The following ROS1 variants were observed in gnomAD, a reference collection of about 807,000 sequenced individuals.
The protein encoded by ROS1 is proto-oncogene tyrosine-protein kinase ROS.
A neutral mutation model predicts 273.5 loss-of-function variants in ROS1; 263 were observed. The ratio of observed to expected loss-of-function variants is 0.96; its 90% confidence interval spans 0.87 to 1.06. ROS1 has a LOEUF of 1.06. ROS1 is among the 50% of genes least tolerant of loss of function. ROS1 has a pLI of 0.00. For synonymous variants in ROS1, 1,008 were observed against 954.1 expected (o/e 1.06, Z -1.04); for missense variants, 2,833 against 2,751.1 (o/e 1.03, Z -0.67).
chr6:117,414,989 G>T (rs1454125032), intron 3 of ROS1, among the ~76,000 whole-genome samples: 1 of 152,226 alleles, frequency 6.6e-6, no homozygotes, highest in Non-Finnish European at 1.5e-5. Flanking sequence ...AACAAATGGT[G>T]CTTCCCATTC....
chr6:117,337,172 CT>C lies in ROS1; in HGVS notation c.5229del (p.Ala1744LeufsTer13). ...GAGTATTGAGTATGTTAGTACTCACCTTTTGTCTTAAAGCTTTCTGGAAGTG... is the reference window on the plus strand; with the variant it reads ...GAGTATTGAGTATGTTAGTACTCACCTTTGTCTTAAAGCTTTCTGGAAGTG... ...STSLPESFKT[K>X]AGVPNKPGIP... On this transcript the variant is annotated frameshift_variant and splice_region_variant, in exon 32 of 44. Transcript: ENST00000368507. LOFTEE classifies it high-confidence loss of function. 1 of 1,610,716 alleles carries C rather than the reference CT, an allele frequency of 6.2e-7. No homozygotes were observed.
At chr6:117,388,138 A>T in intron 13 of ROS1, 146 bp from the exon 14 acceptor site, 2 of 1,274,940 alleles carry the variant, frequency 1.6e-6, no homozygotes, top group Non-Finnish European at 2.2e-6. Flanking sequence ...ATCACCAGGG[A>T]TCATTTGTTG....
rs1261108140 is a variant in ROS1, at chr6:117,389,374, G to A, written c.1762C>T (p.Pro588Ser). Residue 588 changes from proline (P) to serine (S), a missense_variant, in exon 13 of 44, where the codon CCT becomes TCT. Physicochemically the swap from Pro to Ser is moderately conservative, Grantham distance 74. Transcript: ENST00000368507. Reference protein sequence around the residue: ...GSHQALVQWKPPALAIGASPS... With the variant: ...GSHQALVQWKSPALAIGASPS... ...CTGGCTCCTATGGCAAGGGCAGGAG[G>A]CTTCCATTGAACAAGAGCCTGGTGA... 3.7e-6 allele frequency: 6 copies of A among 1,613,978 alleles called. 1 individual carries two copies. In the South Asian group the frequency reaches 5.5e-5, roughly 15 times the overall value.
At chr6:117,298,650 A>G (rs1237693777) in intron 43 of ROS1, among the ~76,000 whole-genome samples, 1 of 152,220 alleles carries the variant, frequency 6.6e-6, no homozygotes, top group Non-Finnish European at 1.5e-5. Flanking sequence ...ATGGATATAG[A>G]TGTAGTCTTA....
rs556427413 is a variant in ROS1, at chr6:117,301,100, C to T, written c.6589G>A (p.Asp2197Asn). 45 of 1,600,068 alleles carry T rather than the reference C, an allele frequency of 2.8e-5. No individual in the cohort carries two copies. The highest frequency in any genetic ancestry group is 1.7e-4 in the Middle Eastern group (1 of 6,040). Residue 2197 changes from aspartate to asparagine, a missense_variant, in exon 43 of 44, where the codon GAC becomes AAC. Transcript: ENST00000368507. Reference protein sequence around the residue: ...LMTQCWAQEPDQRPTFHRIQD... With the variant: ...LMTQCWAQEPNQRPTFHRIQD... ...ATTCTATGAAAAGTAGGTCTTTGGT[C>T]GGGTTCTTGAGCCCAGCACTGGGTC...
chr6:117,289,786 A>G (rs1773699189), intron 43 of ROS1, among the ~76,000 whole-genome samples: 1 of 152,312 alleles, frequency 6.6e-6, no homozygotes, highest in East Asian at 1.9e-4. Context: ...ATCAGATGCC[A>G]AGTTTGGTTA....
Position 117,318,183 on chromosome 6 carries a change from G to A in ROS1, c.5987+5C>T, listed in dbSNP as rs2128556787. 1.2e-6 allele frequency: 2 copies of A among 1,610,594 alleles called. No individual in the cohort carries two copies. The highest frequency in any genetic ancestry group is 1.7e-6 in the Non-Finnish European group (2 of 1,177,356). On this transcript the variant is annotated splice_donor_5th_base_variant and intron_variant, in intron 38 of 43. Coordinates refer to ENST00000368507, the MANE Select transcript of ROS1 (RefSeq NM_001378902.1). ...CATACCAGGAGAAAATTATTTCAGA[G>A]CTACCTCATCAGATGTGCCTCCTTC... is the stretch of plus-strand genomic sequence containing the variant.
At chr6:117,423,031 A>G (rs1287241318) in intron 1 of ROS1, among the ~76,000 whole-genome samples, 1 of 152,258 alleles carries the variant, frequency 6.6e-6, no homozygotes, top group East Asian at 1.9e-4. Flanking sequence ...AATTCAAAAA[A>G]AAAAGGGGGT....
intron 31 of ROS1, among the ~76,000 whole-genome samples, chr6:117,337,660 C>A (rs941160529): frequency 6.6e-6 from 1 of 152,056 alleles, no homozygotes; most frequent in African/African-American, 2.4e-5. Context: ...TACATTTAAT[C>A]AGGATGGCTA....
intron 3 of ROS1, 120 bp from the exon 4 acceptor site, chr6:117,414,665 A>T: frequency 1.8e-6 from 1 of 565,914 alleles, no homozygotes; most frequent in Non-Finnish European, 3.0e-6. Flanking sequence ...AACAACCAAA[A>T]AAACAACAGA....
intron 18 of ROS1, among the ~76,000 whole-genome samples, chr6:117,366,497 A>C (rs1780258107): frequency 1.3e-5 from 2 of 152,144 alleles, no homozygotes; most frequent in South Asian, 4.1e-4. Flanking sequence ...TAGTAGACCT[A>C]AAGTAAATTT....
intron 18 of ROS1, among the ~76,000 whole-genome samples, chr6:117,366,975 G>A (rs187032896): frequency 2.6e-5 from 4 of 152,232 alleles, no homozygotes; most frequent in Admixed American, 2.0e-4. Flanking sequence ...TTTATTCTAT[G>A]TGCTCCTACA....
Position 117,383,485 on chromosome 6 carries a change from C to T in ROS1, c.2313G>A (p.Thr771=), listed in dbSNP as rs777217782. 1.2e-5 allele frequency: 19 copies of T among 1,613,778 alleles called. No homozygotes were observed. The highest frequency in any genetic ancestry group is 1.6e-4 in the Middle Eastern group (1 of 6,062). The change falls in exon 17 of 44, where the codon ACG becomes ACA. Residue 771 remains threonine, a synonymous_variant. Coordinates refer to ENST00000368507, the MANE Select transcript of ROS1 (RefSeq NM_001378902.1). ...CGTGGGTAACAATGTCTGTGTGTCC[C>T]GTCAACACAGACTGCCTTTGTATCT... ...TYVIQRQSVL[T]GHTDIVTHVK... is the part of the protein sequence containing the mutation.
At chr6:117,292,278 C>T (rs956566762) in intron 43 of ROS1, among the ~76,000 whole-genome samples, 2 of 152,084 alleles carry the variant, frequency 1.3e-5, no homozygotes, top group Non-Finnish European at 2.9e-5. Flanking sequence ...CCCTCTGTGA[C>T]TTTTATAATG....
chr6:117,414,507 T>C lies in ROS1; in HGVS notation c.255+12A>G, dbSNP rs758946553. On this transcript the variant is annotated intron_variant, in intron 4 of 43. Transcript: ENST00000368507. The stretch of plus-strand genomic sequence containing the variant: ...TGGCTTGATTACATCTTTTTTGTGA[T>C]TGCCAACTCACCTCACAAACGGTGG... The C allele has an allele frequency of 1.2e-5, 9 of 744,566 alleles. No individual in the cohort carries two copies. Among genetic ancestry groups the C allele is most frequent in the Non-Finnish European group, 2.0e-5 (8 of 409,476 alleles). 46.1% of individuals were successfully genotyped at this position (744,566 alleles called of 1,614,324 possible).
intron 31 of ROS1, among the ~76,000 whole-genome samples, chr6:117,340,915 C>G (rs1358127551): frequency 6.6e-6 from 1 of 151,978 alleles, no homozygotes; most frequent in Non-Finnish European, 1.5e-5. Context: ...ATAACTTATA[C>G]CCTTTTACAT....
chr6:117,350,588 G>T (rs1291158224), intron 27 of ROS1, among the ~76,000 whole-genome samples: 1 of 149,342 alleles, frequency 6.7e-6, no homozygotes, highest in Non-Finnish European at 1.5e-5. Flanking sequence ...TATTTCTTCT[G>T]TTCCTTTCTC....
At chr6:117,350,504 C>T (rs1041092979) in intron 27 of ROS1, among the ~76,000 whole-genome samples, 13 of 151,778 alleles carry the variant, frequency 8.6e-5, no homozygotes, top group African/African-American at 9.7e-5. Context: ...TTGAGCTTCC[C>T]ATACCTGTAG....
intron 2 of ROS1, 61 bp downstream of exon 2, chr6:117,418,401 T>G (rs1775493769): frequency 1.7e-6 from 2 of 1,154,662 alleles, no homozygotes; most frequent in African/African-American, 3.1e-5. Flanking sequence ...AATCTGATCA[T>G]TGTCCCTTCA....
Sources: gnomAD v4.1 joint callset for allele counts (sites outside exome capture counted in the v4.1 genomes callset) on GRCh38, gnomAD v4.1.1 for gene constraint, MANE v1.5 for transcripts, NCBI Gene and HGNC (gene_info 2026-07-23, HGNC 2026-07-21) for gene names.